Variants in SORCS2 observed in about 807,000 individuals in gnomAD.
SORCS2 encodes sortilin related VPS10 domain containing receptor 2, also known as VPS10 domain-containing receptor SorCS2.
In SORCS2, 100 loss-of-function variants were observed where a neutral mutation model predicts 141.6. The ratio of observed to expected loss-of-function variants is 0.71; its 90% CI spans 0.60 to 0.83. The LOEUF (loss-of-function observed/expected upper bound fraction) is 0.83. Among genes scored for constraint, SORCS2 ranks in the 40% least tolerant of loss-of-function variants. The probability of loss-of-function intolerance (pLI) is 0.00; values close to 1 mark genes in which losing one functional copy is unlikely to be tolerated. For synonymous variants in SORCS2, 789 were observed against 676.9 expected (o/e 1.17, Z -2.57); for missense variants, 1,646 against 1,560.2 (o/e 1.05, Z -0.93).
intron 2 of SORCS2, among the ~76,000 whole-genome samples, chr4:7,468,053 C>T (rs1729729801): frequency 6.6e-6 from 1 of 152,202 alleles, no homozygotes; most frequent in African/African-American, 2.4e-5. Context: ...GCGGGTTCTC[C>T]CTCAGTGCCC....
intron 4 of SORCS2, among the ~76,000 whole-genome samples, chr4:7,653,299 A>G: frequency 6.6e-6 from 1 of 152,078 alleles, no homozygotes; most frequent in East Asian, 1.9e-4. Flanking sequence ...GCTGGAGTGC[A>G]GTGGTGTGAT....
intron 2 of SORCS2, among the ~76,000 whole-genome samples, chr4:7,492,057 G>A (rs1435097616): frequency 2.6e-5 from 4 of 152,184 alleles, no homozygotes; most frequent in Non-Finnish European, 5.9e-5. Flanking sequence ...CCTATCTTCT[G>A]CCTCCAGTTT....
intron 1 of SORCS2, chr4:7,382,109 G>A (rs1015332899): frequency 1.9e-4 from 89 of 472,666 alleles, no homozygotes; most frequent in African/African-American, 1.6e-3. Context: ...TGAAGGGTGG[G>A]TGGTGCTGCT....
At chr4:7,278,002 G>T (rs1352872279) in intron 1 of SORCS2, among the ~76,000 whole-genome samples, 4 of 152,162 alleles carry the variant, frequency 2.6e-5, no homozygotes, top group Non-Finnish European at 4.4e-5. Flanking sequence ...CCTTGTCATT[G>T]GTAGTGGGCC....
At chr4:7,234,539 C>A (rs916468330) in intron 1 of SORCS2, among the ~76,000 whole-genome samples, 3 of 152,212 alleles carry the variant, frequency 2.0e-5, no homozygotes, top group Non-Finnish European at 4.4e-5. Flanking sequence ...GCCACATAGC[C>A]CAGGGCTGGG....
chr4:7,509,107 G>T (rs569865520), intron 2 of SORCS2, among the ~76,000 whole-genome samples: 4 of 152,216 alleles, frequency 2.6e-5, no homozygotes, highest in Non-Finnish European at 5.9e-5. Flanking sequence ...ACCTGCTTCT[G>T]TACATAGAAC....
intron 2 of SORCS2, among the ~76,000 whole-genome samples, chr4:7,425,293 C>T (rs767918559): frequency 1.1e-4 from 17 of 152,218 alleles, no homozygotes; most frequent in Non-Finnish European, 2.1e-4. Flanking sequence ...CTTTGGCAAG[C>T]ACCTGCTCTC....
chr4:7,541,717 C>T (rs1014325476), intron 3 of SORCS2, among the ~76,000 whole-genome samples: 4 of 152,234 alleles, frequency 2.6e-5, no homozygotes, highest in East Asian at 1.9e-4. Flanking sequence ...GAGGCACAGC[C>T]AGGCTGAGAG....
intron 3 of SORCS2, among the ~76,000 whole-genome samples, chr4:7,562,794 C>G (rs547074146): frequency 2.0e-5 from 3 of 152,178 alleles, no homozygotes; most frequent in Non-Finnish European, 2.9e-5. Context: ...TTGGCTTCTT[C>G]TTGGCCACCC....
At chr4:7,353,693 G>C (rs528612927) in intron 1 of SORCS2, among the ~76,000 whole-genome samples, 98 of 152,300 alleles carry the variant, frequency 6.4e-4, no homozygotes, top group African/African-American at 2.3e-3. Context: ...AGGCAGCCCT[G>C]ACTGCTTTAT....
In SORCS2 at chr4:7,714,251, T is replaced by C. The variant is rs1480964409; in HGVS notation, c.2001T>C (p.Cys667=). Residue 667 remains cysteine (C), a synonymous_variant, in exon 16 of 27, where the codon TGT becomes TGC. Transcript: ENST00000507866. ...TGTTCCTGCTGCAGGGCGACCGCTG[T>C]ATCATGGGCCAGCAGAGAAGTTTCC... ...WELSNLQGDR[C]IMGQQRSFRK... is the part of the protein sequence containing the mutation. The C allele has an allele frequency of 3.1e-6, 5 of 1,610,954 alleles. No individual in the cohort carries two copies. The highest frequency in any genetic ancestry group is 4.2e-6 in the Non-Finnish European group (5 of 1,178,854).
At chr4:7,215,693 A>G (rs1353370600) in intron 1 of SORCS2, among the ~76,000 whole-genome samples, 2 of 152,252 alleles carry the variant, frequency 1.3e-5, no homozygotes, top group Admixed American at 1.3e-4. Context: ...AAACACACCA[A>G]TCAGCACCCT....
chr4:7,592,545 G>T (rs945827875), intron 3 of SORCS2, among the ~76,000 whole-genome samples: 4 of 152,264 alleles, frequency 2.6e-5, no homozygotes, highest in Non-Finnish European at 4.4e-5. Flanking sequence ...GGGGGAGTCA[G>T]TGGTGACAGT....
At chr4:7,714,838 G>C (rs16840897) in intron 16 of SORCS2, among the ~76,000 whole-genome samples, 8,389 of 152,236 alleles carry the variant, frequency 0.055, 402 homozygotes, top group African/African-American at 0.13. Context: ...CCCTGGCATT[G>C]CAGCCTCCTC....
At chr4:7,701,282 C>T (rs907786748) in intron 12 of SORCS2, among the ~76,000 whole-genome samples, 5 of 151,234 alleles carry the variant, frequency 3.3e-5, no homozygotes, top group East Asian at 3.9e-4. Context: ...GGGAGGGAGA[C>T]GGGAAGAGGG....
At chr4:7,736,509 G>T (rs1712187203) in intron 25 of SORCS2, among the ~76,000 whole-genome samples, 1 of 152,186 alleles carries the variant, frequency 6.6e-6, no homozygotes, top group Non-Finnish European at 1.5e-5. Flanking sequence ...GGACTAAGTG[G>T]GGTGTCGTGC....
chr4:7,684,809 GC>G lies in SORCS2; in HGVS notation c.1488+1925del, dbSNP rs898930979. ...CACAGCAGGGCTCAGAAAATGGTGA[GC>G]CCCCTCCCCACCACCACCACCAGCC... is the stretch of plus-strand genomic sequence containing the variant. On this transcript the variant is annotated intron_variant, in intron 10 of 26. Transcript: ENST00000507866. Among the ~76,000 whole-genome samples the G allele has an allele frequency of 4.6e-5, 7 of 152,206 alleles. No homozygotes were observed. In the East Asian group the frequency reaches 5.8e-4, roughly 13 times the overall value.
chr4:7,218,890 C>A (rs1205741119), intron 1 of SORCS2, among the ~76,000 whole-genome samples: 1 of 152,230 alleles, frequency 6.6e-6, no homozygotes, highest in Admixed American at 6.5e-5. Context: ...CTGGCCCTTT[C>A]TCATTCCACA....
chr4:7,293,748 C>T (rs1034197965), intron 1 of SORCS2, among the ~76,000 whole-genome samples: 8 of 152,142 alleles, frequency 5.3e-5, no homozygotes, highest in Non-Finnish European at 1.2e-4. Context: ...TGCGTGGTGC[C>T]CAGCGATGTG....
Sources: gnomAD v4.1 joint callset for allele counts (sites outside exome capture counted in the v4.1 genomes callset) on GRCh38, gnomAD v4.1.1 for gene constraint, MANE v1.5 for transcripts, NCBI Gene and HGNC (gene_info 2026-07-23, HGNC 2026-07-21) for gene names.